The following AUTS2 variants were observed in gnomAD, a reference collection of about 807,000 sequenced individuals.
The protein encoded by AUTS2 is activator of transcription and developmental regulator AUTS2.
In AUTS2, 17 loss-of-function variants were observed where a neutral mutation model predicts 112.4. The ratio of observed to expected loss-of-function variants is 0.15; its 90% CI spans 0.10 to 0.23. AUTS2 has a LOEUF of 0.23. Among genes scored for constraint, AUTS2 ranks in the 10% least tolerant of loss-of-function variants. AUTS2 has a pLI of 1.00. For missense variants in AUTS2, 1,510 were observed against 1,701.6 expected, an observed-to-expected ratio of 0.89 and a Z score of 1.98; for synonymous variants, 751 against 702.7, an observed-to-expected ratio of 1.07 and a Z score of -1.09.
At chr7:69,927,818 A>G (rs901151789) in intron 2 of AUTS2, among the ~76,000 whole-genome samples, 10 of 152,208 alleles carry the variant, frequency 6.6e-5, no homozygotes, top group South Asian at 2.1e-4. Context: ...GTGGGCACCA[A>G]TGTCTCTGGA....
At chr7:70,101,314 T>A (rs965478242) in intron 2 of AUTS2, among the ~76,000 whole-genome samples, 2 of 152,060 alleles carry the variant, frequency 1.3e-5, no homozygotes, top group African/African-American at 2.4e-5. Context: ...AAAACCAAAT[T>A]CTTCAGCTCT....
In AUTS2 at chr7:69,847,776, G is replaced by A. The variant is rs547788966; in HGVS notation, c.310-51510G>A. 1.6e-4 allele frequency among the ~76,000 whole-genome samples: 24 copies of A among 152,308 alleles called. 1 individual carries two copies. The South Asian group carries it at 4.8e-3, about 30-fold the overall frequency. On this transcript the variant is annotated intron_variant, in intron 1 of 18. Transcript: ENST00000342771. The stretch of plus-strand genomic sequence containing the variant: ...GGAGGGAGCCACAGATGAAGGTTGA[G>A]GACAGAGAAAGGGAAGCTGGAGGGC...
intron 4 of AUTS2, among the ~76,000 whole-genome samples, chr7:70,267,927 A>G (rs1787514395): frequency 6.6e-6 from 1 of 152,152 alleles, no homozygotes; most frequent in African/African-American, 2.4e-5. Context: ...TTAAACCCAG[A>G]CTTATTGCCT....
intron 2 of AUTS2, among the ~76,000 whole-genome samples, chr7:70,095,284 G>A (rs1299137684): frequency 5.9e-5 from 9 of 152,214 alleles, no homozygotes; most frequent in Middle Eastern, 3.4e-3. Context: ...GCGTGCGTGC[G>A]CTCACGTGTG....
At chr7:69,994,997 C>T (rs1179687948) in intron 2 of AUTS2, among the ~76,000 whole-genome samples, 1 of 152,162 alleles carries the variant, frequency 6.6e-6, no homozygotes. Context: ...AGTTCAGGGG[C>T]TTCCAAATGA....
intron 4 of AUTS2, among the ~76,000 whole-genome samples, chr7:70,276,284 A>G (rs574935732): frequency 6.6e-6 from 1 of 152,336 alleles, no homozygotes; most frequent in East Asian, 1.9e-4. Context: ...TAAATAAAAT[A>G]CAACAAAACT....
chr7:69,995,862 T>A (rs1433441948), intron 2 of AUTS2, among the ~76,000 whole-genome samples: 1 of 152,202 alleles, frequency 6.6e-6, no homozygotes, highest in Non-Finnish European at 1.5e-5. Flanking sequence ...GAAGCTGTAC[T>A]GCTCTTCTGA....
intron 1 of AUTS2, among the ~76,000 whole-genome samples, chr7:69,720,757 G>C (rs1239357165): frequency 6.6e-6 from 1 of 152,168 alleles, no homozygotes; most frequent in Non-Finnish European, 1.5e-5. Flanking sequence ...AAGTCAGACA[G>C]CTTCTGCTGT....
intron 2 of AUTS2, among the ~76,000 whole-genome samples, chr7:70,059,688 T>C (rs1802153979): frequency 6.6e-6 from 1 of 152,136 alleles, no homozygotes; most frequent in South Asian, 2.1e-4. Flanking sequence ...TATGTGATTT[T>C]CTGTTTGATT....
chr7:70,492,361 G>A (rs892467112), intron 5 of AUTS2, among the ~76,000 whole-genome samples: 2 of 152,200 alleles, frequency 1.3e-5, no homozygotes, highest in Admixed American at 1.3e-4. Context: ...CGAGAGGGGA[G>A]TATCTTGAAA....
At chr7:70,731,122 C>T (rs566601930) in intron 6 of AUTS2, among the ~76,000 whole-genome samples, 1 of 152,188 alleles carries the variant, frequency 6.6e-6, no homozygotes, top group South Asian at 2.1e-4. Flanking sequence ...TGTAATAGTT[C>T]TTTATACATT....
At chr7:69,730,374 A>G (rs550833447) in intron 1 of AUTS2, among the ~76,000 whole-genome samples, 3 of 152,198 alleles carry the variant, frequency 2.0e-5, no homozygotes, top group Admixed American at 6.5e-5. Context: ...GAGATCTAAC[A>G]TCAATTCTGT....
intron 4 of AUTS2, among the ~76,000 whole-genome samples, chr7:70,305,197 G>GTTA (rs1789437447): frequency 6.6e-6 from 1 of 151,726 alleles, no homozygotes; most frequent in Non-Finnish European, 1.5e-5. Flanking sequence ...TATCTCAGTG[G>GTTA]TTATTACTTT....
At chr7:69,854,622 A>T (rs1330847967) in intron 1 of AUTS2, among the ~76,000 whole-genome samples, 3 of 152,244 alleles carry the variant, frequency 2.0e-5, no homozygotes, top group African/African-American at 7.2e-5. Flanking sequence ...TAGTAACTGT[A>T]TTCTTCCAAT....
chr7:70,257,622 G>GTTT (rs768640377), intron 4 of AUTS2, among the ~76,000 whole-genome samples: 10 of 139,750 alleles, frequency 7.2e-5, no homozygotes, highest in South Asian at 2.3e-4. Context: ...CTGGCCTGAA[G>GTTT]TTTTTTTTTT....
At chr7:70,124,185 C>G (rs571210466) in intron 3 of AUTS2, among the ~76,000 whole-genome samples, 1 of 152,234 alleles carries the variant, frequency 6.6e-6, no homozygotes, top group East Asian at 1.9e-4. Context: ...GTTCTTTGCC[C>G]ACTTTTTAAT....
intron 1 of AUTS2, among the ~76,000 whole-genome samples, chr7:69,666,920 A>G (rs1796075908): frequency 6.6e-6 from 1 of 152,082 alleles, no homozygotes; most frequent in East Asian, 1.9e-4. Flanking sequence ...AAACAAAACA[A>G]AATACAGTAC....
intron 2 of AUTS2, among the ~76,000 whole-genome samples, chr7:70,003,239 A>G (rs1025768715): frequency 3.1e-5 from 4 of 131,088 alleles, no homozygotes; most frequent in Admixed American, 1.7e-4. Context: ...ATTATATATG[A>G]ATATATTATA....
intron 2 of AUTS2, among the ~76,000 whole-genome samples, chr7:69,949,425 T>C (rs954251903): frequency 6.6e-5 from 10 of 152,208 alleles, no homozygotes; most frequent in African/African-American, 2.4e-4. Context: ...CACATTTTTA[T>C]AGATAAGGTG....
Sources: gnomAD v4.1 joint callset for allele counts (sites outside exome capture counted in the v4.1 genomes callset) on GRCh38, gnomAD v4.1.1 for gene constraint, MANE v1.5 for transcripts, NCBI Gene and HGNC (gene_info 2026-07-23, HGNC 2026-07-21) for gene names.